Variants in HYDIN observed in about 807,000 individuals in gnomAD.
HYDIN encodes axonemal central pair apparatus protein HYDIN.
In HYDIN, 132 loss-of-function variants were observed where a neutral mutation model predicts 403.9. The ratio of observed to expected loss-of-function variants is 0.33; its 90% CI spans 0.28 to 0.38. The LOEUF (loss-of-function observed/expected upper bound fraction) is 0.38, where lower values mean the gene tolerates loss of function less well. Among genes scored for constraint, HYDIN ranks in the 10% least tolerant of loss-of-function variants. The pLI, the probability that HYDIN is intolerant of heterozygous loss-of-function variation, is 1.00. For synonymous variants in HYDIN, 1,202 were observed against 1,891.7 expected (o/e 0.64, Z 9.46); for missense variants, 2,827 against 5,009.5 (o/e 0.56, Z 13.15).
intron 27 of HYDIN, 102 bp from the exon 28 acceptor site, chr16:70,985,424 G>C: frequency 6.0e-6 from 7 of 1,174,948 alleles, no homozygotes; most frequent in Non-Finnish European, 8.4e-6. Context: ...GACAGCTCCT[G>C]ATATAAATAC....
intron 1 of HYDIN, among the ~76,000 whole-genome samples, chr16:71,210,177 A>G (rs1391628086): frequency 6.6e-6 from 1 of 152,250 alleles, no homozygotes; most frequent in Non-Finnish European, 1.5e-5. Context: ...CCAAAGGAAT[A>G]CAAATCATTC....
In HYDIN at chr16:70,803,194, A is replaced by C. The variant is rs2034968184; in HGVS notation, c.*4386T>G. Among the ~76,000 whole-genome samples, 1 of 152,118 alleles carries C rather than the reference A, an allele frequency of 6.6e-6. No homozygotes were observed. Among genetic ancestry groups the C allele is most frequent in the Non-Finnish European group, 1.5e-5 (1 of 68,020 alleles). ...TTACCAGAAGTATTCTTTTCTCCTG[A>C]AATTATATTCTGGCTCAGGTTGCTA... On this transcript the variant is annotated 3_prime_UTR_variant, in exon 86 of 86. Transcript: ENST00000393567.
At chr16:70,871,913 G>A (rs2040130240) in intron 65 of HYDIN, 124 bp downstream of exon 65, 2 of 570,124 alleles carry the variant, frequency 3.5e-6, no homozygotes, top group Non-Finnish European at 6.3e-6. Flanking sequence ...ATGATTCCTG[G>A]GCTGTCTCTC....
At chr16:71,042,293 G>A (rs1001202600) in intron 18 of HYDIN, among the ~76,000 whole-genome samples, 2 of 152,182 alleles carry the variant, frequency 1.3e-5, no homozygotes, top group African/African-American at 4.8e-5. Context: ...ATCCTTACCT[G>A]TCAACACAGT....
At position 70,971,366 on chromosome 16, in the gene HYDIN, A is replaced by G. The variant is rs145249959; in HGVS notation, c.5380-607T>C. On this transcript the variant is annotated intron_variant, in intron 35 of 85. Transcript: ENST00000393567. Reference sequence around the variant, plus strand: ...ATACAATTACAACCAGATACTGGTTAATAGTGATATCATAACTACTCACAT... The same window carrying G: ...ATACAATTACAACCAGATACTGGTTGATAGTGATATCATAACTACTCACAT... 9.2e-3 allele frequency among the ~76,000 whole-genome samples: 1,402 copies of G among 152,396 alleles called. 13 individuals carry two copies. The highest frequency in any genetic ancestry group is 0.078 in the Middle Eastern group (23 of 294).
At position 70,857,805 on chromosome 16, in the gene HYDIN, G is replaced by C. The variant is rs536692475; in HGVS notation, c.12195C>G (p.Pro4065=). ...GGAAAGGGACTGTGATGTTGTGCTCGGGAATTAGGAAGGTCCATGATGACT... is the reference window on the plus strand; with the variant it reads ...GGAAAGGGACTGTGATGTTGTGCTCCGGAATTAGGAAGGTCCATGATGACT... The part of the protein sequence containing the change: ...ITESSWTFLI[P]EHNITVPFLL... Residue 4065 remains proline (P), a synonymous_variant, in exon 72 of 86, where the codon CCC becomes CCG. Coordinates refer to ENST00000393567, the MANE Select transcript of HYDIN (RefSeq NM_001270974.2). The C allele has an allele frequency of 6.2e-7, 1 of 1,605,728 alleles. No homozygotes were observed. Among genetic ancestry groups the C allele is most frequent in the South Asian group, 1.1e-5 (1 of 89,168 alleles).
intron 76 of HYDIN, among the ~76,000 whole-genome samples, chr16:70,839,221 A>G (rs1258446564): frequency 1.7e-5 from 2 of 118,976 alleles, no homozygotes; most frequent in Admixed American, 8.2e-5. Flanking sequence ...TAATCATCCT[A>G]ATAGTCTTAT....
chr16:70,856,345 CT>C (rs550095962), intron 72 of HYDIN, among the ~76,000 whole-genome samples: 49 of 98,840 alleles, frequency 5.0e-4, no homozygotes, highest in African/African-American at 2.4e-3. Flanking sequence ...GACTTTATCC[CT>C]TTTTCCCCAA....
chr16:71,122,801 A>G (rs2084310057), intron 9 of HYDIN, among the ~76,000 whole-genome samples: 1 of 151,850 alleles, frequency 6.6e-6, no homozygotes, highest in Non-Finnish European at 1.5e-5. Context: ...TTTAAGGCTT[A>G]GTTAAATTAA....
rs375322763 is a variant in HYDIN at position 71,098,858 on chromosome 16, A to G, written c.1328-4923T>C. 6.6e-3 allele frequency among the ~76,000 whole-genome samples: 983 copies of G among 148,590 alleles called. 2 individuals carry two copies. The highest frequency in any genetic ancestry group is 0.023 in the African/African-American group (941 of 40,490). The stretch of plus-strand genomic sequence containing the variant: ...TTGTTGCTAGCCACTCCCCTCACCC[A>G]GAACAGGAGTACAAGTAATGCCCAG... On this transcript the variant is annotated intron_variant, in intron 10 of 85. Transcript: ENST00000393567.
At chr16:71,067,600 T>C (rs1295148392) in intron 14 of HYDIN, among the ~76,000 whole-genome samples, 1 of 150,960 alleles carries the variant, frequency 6.6e-6, no homozygotes, top group Non-Finnish European at 1.5e-5. Flanking sequence ...AAATGGCTGT[T>C]AGTACAATGG....
chr16:71,007,626 T>C (rs2079930719), intron 23 of HYDIN, among the ~76,000 whole-genome samples: 1 of 141,344 alleles, frequency 7.1e-6, no homozygotes, highest in African/African-American at 2.9e-5. Flanking sequence ...CTCATACCAG[T>C]CAGAATGGCG....
At chr16:71,184,186 CA>C (rs1173933240) in intron 3 of HYDIN, among the ~76,000 whole-genome samples, 1 of 152,098 alleles carries the variant, frequency 6.6e-6, no homozygotes, top group Non-Finnish European at 1.5e-5. Context: ...GAAAAACTCT[CA>C]GGAATTTTCA....
rs528616426 is a variant in HYDIN, at chr16:70,978,372, TA to T, written c.4638+541del. 6.3e-3 allele frequency among the ~76,000 whole-genome samples: 930 copies of T among 148,550 alleles called. 8 individuals are homozygous for T. Among genetic ancestry groups the T allele is most frequent in the Non-Finnish European group, 0.01 (672 of 66,386 alleles). On this transcript the variant is annotated intron_variant, in intron 30 of 85. Transcript: ENST00000393567. ...CTCACCTAGAATGACTCCATCAGCTTAAAAAAACTGTAGAGATGGAGTTTCA... is the reference window on the plus strand; with the variant it reads ...CTCACCTAGAATGACTCCATCAGCTTAAAAAACTGTAGAGATGGAGTTTCA...
At chr16:71,108,645 G>A (rs1336693418) in intron 10 of HYDIN, among the ~76,000 whole-genome samples, 2 of 151,832 alleles carry the variant, frequency 1.3e-5, no homozygotes, top group African/African-American at 4.8e-5. Context: ...TGATCTGATC[G>A]CTGTATATTA....
intron 10 of HYDIN, among the ~76,000 whole-genome samples, chr16:71,114,546 G>A (rs554784196): frequency 6.6e-6 from 1 of 151,840 alleles, no homozygotes; most frequent in Non-Finnish European, 1.5e-5. Context: ...TTGGGTGATT[G>A]GTGTGCTCAC....
intron 84 of HYDIN, among the ~76,000 whole-genome samples, chr16:70,813,193 C>T (rs1238502316): frequency 5.3e-5 from 8 of 152,078 alleles, no homozygotes; most frequent in Admixed American, 2.0e-4. Context: ...CCTTGTGATC[C>T]GCCTGCCTCA....
intron 23 of HYDIN, among the ~76,000 whole-genome samples, chr16:71,003,753 C>T (rs1385517334): frequency 3.3e-5 from 5 of 151,026 alleles, no homozygotes; most frequent in East Asian, 2.0e-4. Flanking sequence ...GAGCCAAGAT[C>T]GCACCATTGC....
chr16:71,145,027 T>C (rs2085312940), intron 7 of HYDIN, among the ~76,000 whole-genome samples: 1 of 151,484 alleles, frequency 6.6e-6, no homozygotes, highest in Non-Finnish European at 1.5e-5. Flanking sequence ...CATGATTAAT[T>C]GTGTTTAGGC....
Sources: allele counts gnomAD v4.1 joint callset (sites outside exome capture counted in the v4.1 genomes callset), GRCh38; gene constraint gnomAD v4.1.1; transcripts MANE v1.5; gene names NCBI Gene and HGNC (gene_info 2026-07-23, HGNC 2026-07-21).